CNTN5: variants seen among roughly 807,000 people sequenced by gnomAD.
CNTN5 encodes contactin-5.
Under a neutral mutation model 129.1 loss-of-function variants are expected in CNTN5, and 77 were observed. The observed-to-expected ratio is 0.60, with a 90% CI of 0.50 to 0.72. The LOEUF is 0.72. CNTN5 is among the 30% of genes least tolerant of loss of function. CNTN5 has a pLI of 0.00. For missense variants in CNTN5, 1,478 were observed against 1,328.8 expected (o/e 1.11, Z -1.75); for synonymous variants, 509 against 465.6 (o/e 1.09, Z -1.20).
At chr11:100,334,906 G>A (rs999288268) in intron 21 of CNTN5, among the ~76,000 whole-genome samples, 1 of 149,974 alleles carries the variant, frequency 6.7e-6, no homozygotes, top group African/African-American at 2.5e-5. Flanking sequence ...AAACAGCACT[G>A]GTTCCCCAAA....
chr11:99,916,913 A>C (rs1949805291), intron 7 of CNTN5, among the ~76,000 whole-genome samples: 1 of 152,036 alleles, frequency 6.6e-6, no homozygotes, highest in Admixed American at 6.6e-5. Context: ...TTAATTAACA[A>C]CTGGTAACAG....
chr11:99,826,142 T>C (rs2135584140), intron 4 of CNTN5, among the ~76,000 whole-genome samples: 1 of 152,334 alleles, frequency 6.6e-6, no homozygotes, highest in South Asian at 2.1e-4. Flanking sequence ...TTCCTATTAT[T>C]GACTTTGGCT....
chr11:99,489,161 G>C (rs553309582), intron 2 of CNTN5, among the ~76,000 whole-genome samples: 2 of 151,966 alleles, frequency 1.3e-5, no homozygotes, highest in Non-Finnish European at 2.9e-5. Flanking sequence ...TCTAGATTTA[G>C]AGACACTTCT....
chr11:100,194,919 T>G (rs1186819115), intron 15 of CNTN5, among the ~76,000 whole-genome samples: 2 of 148,902 alleles, frequency 1.3e-5, no homozygotes, highest in Non-Finnish European at 3.0e-5. Flanking sequence ...TAGGAGAGAG[T>G]ATATAAATAA....
At chr11:100,139,859 A>G (rs1175968888) in intron 13 of CNTN5, among the ~76,000 whole-genome samples, 1 of 152,148 alleles carries the variant, frequency 6.6e-6, no homozygotes, top group Admixed American at 6.6e-5. Flanking sequence ...CCAAAAAAAG[A>G]AAAAAAGAAG....
chr11:99,112,089 A>G (rs1857824678), intron 1 of CNTN5, among the ~76,000 whole-genome samples: 1 of 152,090 alleles, frequency 6.6e-6, no homozygotes, highest in Non-Finnish European at 1.5e-5. Context: ...AAAGTATCAA[A>G]TATTTTAATA....
intron 1 of CNTN5, among the ~76,000 whole-genome samples, chr11:99,063,158 G>C (rs939700778): frequency 6.6e-6 from 1 of 152,046 alleles, no homozygotes; most frequent in African/African-American, 2.4e-5. Flanking sequence ...GCTGTCCTGG[G>C]ATGAAAACTG....
At chr11:99,179,257 C>A (rs1046720275) in intron 1 of CNTN5, among the ~76,000 whole-genome samples, 10 of 152,052 alleles carry the variant, frequency 6.6e-5, no homozygotes, top group African/African-American at 2.2e-4. Flanking sequence ...GCCTGGCCAA[C>A]ATGGTGAAAC....
intron 3 of CNTN5, among the ~76,000 whole-genome samples, chr11:99,674,316 A>G (rs1427088594): frequency 6.9e-6 from 1 of 145,780 alleles, no homozygotes; most frequent in Non-Finnish European, 1.5e-5. Flanking sequence ...TTTTTCTTGT[A>G]AACATGTTTA....
chr11:100,231,109 G>A (rs757355829), intron 16 of CNTN5, among the ~76,000 whole-genome samples: 3 of 152,208 alleles, frequency 2.0e-5, no homozygotes, highest in Non-Finnish European at 4.4e-5. Context: ...GGGAGACACG[G>A]TGGGACAGGA....
rs1455685390 is a variant in CNTN5 at position 100,074,289 on chromosome 11, C to T, written c.1575C>T (p.Asn525=). The change falls in exon 13 of 25, where the codon AAC becomes AAT. Residue 525 remains asparagine (N), a synonymous_variant. Transcript: ENST00000524871. ...AAGGAGACAGAGCAGTTAGAGAAAA[C>T]AAAAGGTTAGAATCTATTTTATAAT... is the stretch of plus-strand genomic sequence containing the variant. ...WKKGDRAVRE[N]KRIAILPDGS... is the part of the protein sequence containing the mutation. The T allele has an allele frequency of 6.3e-7, 1 of 1,593,332 alleles. No individual in the cohort carries two copies. The highest frequency in any genetic ancestry group is 1.1e-5 in the South Asian group (1 of 88,502).
At chr11:99,778,566 G>T (rs531914998) in intron 3 of CNTN5, among the ~76,000 whole-genome samples, 1 of 151,766 alleles carries the variant, frequency 6.6e-6, no homozygotes, top group South Asian at 2.1e-4. Context: ...GTTGAATCCT[G>T]TCTAAATAAA....
chr11:99,821,672 A>G (rs901362175), intron 4 of CNTN5, among the ~76,000 whole-genome samples: 1 of 152,186 alleles, frequency 6.6e-6, no homozygotes, highest in Non-Finnish European at 1.5e-5. Flanking sequence ...CAAAATGAGA[A>G]GTAGTAATTC....
At chr11:99,783,888 T>A (rs1384936722) in intron 3 of CNTN5, among the ~76,000 whole-genome samples, 4 of 151,502 alleles carry the variant, frequency 2.6e-5, no homozygotes, top group African/African-American at 9.7e-5. Context: ...AGTTAGTGGG[T>A]GCAGTGCACC....
chr11:100,310,208 G>C (rs143527322), intron 21 of CNTN5, among the ~76,000 whole-genome samples: 1 of 152,006 alleles, frequency 6.6e-6, no homozygotes, highest in African/African-American at 2.4e-5. Flanking sequence ...CGGAACATCT[G>C]GGGCAGACGT....
chr11:99,855,999 G>A (rs986233664), intron 6 of CNTN5, among the ~76,000 whole-genome samples: 59 of 152,160 alleles, frequency 3.9e-4, no homozygotes, highest in African/African-American at 1.4e-3. Context: ...TCTCATGATG[G>A]TTAGGCTAAA....
chr11:99,474,971 C>G (rs1213107529), intron 2 of CNTN5, among the ~76,000 whole-genome samples: 1 of 152,080 alleles, frequency 6.6e-6, no homozygotes, highest in African/African-American at 2.4e-5. Context: ...GTCATTGTAA[C>G]AGTTTTAAGA....
At chr11:99,484,732 C>G (rs113713268) in intron 2 of CNTN5, among the ~76,000 whole-genome samples, 1 of 151,980 alleles carries the variant, frequency 6.6e-6, no homozygotes, top group Non-Finnish European at 1.5e-5. Context: ...AATAATCATT[C>G]TCTGTTACAC....
chr11:99,763,045 C>T (rs1944638389), intron 3 of CNTN5, among the ~76,000 whole-genome samples: 1 of 152,056 alleles, frequency 6.6e-6, no homozygotes. Context: ...TTTATTGATC[C>T]ATGTATCACT....
Sources: gnomAD v4.1 joint callset for allele counts (sites outside exome capture counted in the v4.1 genomes callset) on GRCh38, gnomAD v4.1.1 for gene constraint, MANE v1.5 for transcripts, NCBI Gene and HGNC (gene_info 2026-07-23, HGNC 2026-07-21) for gene names.